Variants in INPP4B observed in about 807,000 individuals in gnomAD.
INPP4B encodes inositol polyphosphate 4-phosphatase type II.
INPP4B carries 55 observed loss-of-function variants against 122.5 expected under a neutral mutation model. The ratio of observed to expected loss-of-function variants is 0.45; its 90% confidence interval spans 0.36 to 0.56. The LOEUF (loss-of-function observed/expected upper bound fraction) is 0.56. Ranked by LOEUF, INPP4B falls within the 20% of genes least tolerant of loss-of-function variation. The pLI is 0.00. For synonymous variants in INPP4B, 403 were observed against 388.7 expected, an observed-to-expected ratio of 1.04 and a Z score of -0.43; for missense variants, 1,000 against 1,097.7, an observed-to-expected ratio of 0.91 and a Z score of 1.26.
rs554213505 is a variant in INPP4B at position 142,535,755 on chromosome 4, TTC to T, written c.-190-73031_-190-73030del. Among the ~76,000 whole-genome samples the T allele has an allele frequency of 7.2e-3, 905 of 126,122 alleles. 12 individuals are homozygous for T. The highest frequency in any genetic ancestry group is 0.022 in the African/African-American group (852 of 39,398). 82.7% of individuals were successfully genotyped at this position (126,122 alleles called of 152,430 possible). A position where few individuals can be genotyped will look rare whatever the true frequency, so the allele number is the denominator to read the frequency against. On this transcript the variant is annotated intron_variant, in intron 2 of 25. Coordinates refer to ENST00000262992, the MANE Select transcript of INPP4B (RefSeq NM_001101669.3). Reference sequence around the variant, plus strand: ...GCATATTTCCTAAATTCAATCATCATTCTCTTTTTTTTTCCACTCCATACTCT... The same window carrying T: ...GCATATTTCCTAAATTCAATCATCATTCTTTTTTTTTCCACTCCATACTCT...
intron 2 of INPP4B, among the ~76,000 whole-genome samples, chr4:142,635,233 A>G (rs1252546506): frequency 6.6e-6 from 1 of 152,188 alleles, no homozygotes; most frequent in Non-Finnish European, 1.5e-5. Context: ...GTTGCAGAGA[A>G]AAGGGAACAC....
chr4:142,520,210 T>G (rs2149913900), intron 2 of INPP4B, among the ~76,000 whole-genome samples: 1 of 152,108 alleles, frequency 6.6e-6, no homozygotes, highest in East Asian at 1.9e-4. Flanking sequence ...AAATGTTTTA[T>G]CCTTCAACAA....
chr4:142,124,381 T>C (rs951910167), intron 19 of INPP4B, among the ~76,000 whole-genome samples: 3 of 152,150 alleles, frequency 2.0e-5, no homozygotes, highest in Non-Finnish European at 2.9e-5. Flanking sequence ...TGGCCATCTC[T>C]TTTCAGAAAT....
chr4:142,210,228 T>C (rs1844329280), intron 12 of INPP4B, among the ~76,000 whole-genome samples: 1 of 152,218 alleles, frequency 6.6e-6, no homozygotes, highest in South Asian at 2.1e-4. Flanking sequence ...TTCTGTTAAA[T>C]GCAAGAATAA....
At chr4:142,067,625 G>T (rs774574642) in intron 25 of INPP4B, among the ~76,000 whole-genome samples, 11 of 152,126 alleles carry the variant, frequency 7.2e-5, no homozygotes, top group Non-Finnish European at 1.3e-4. Context: ...ACGGTGTAGA[G>T]AAGTCCTTAA....
chr4:142,592,528 C>A (rs1157168707), intron 2 of INPP4B, among the ~76,000 whole-genome samples: 6 of 151,986 alleles, frequency 3.9e-5, no homozygotes, highest in African/African-American at 1.5e-4. Flanking sequence ...CTTAAATAAC[C>A]ATCATTCAAT....
intron 1 of INPP4B, among the ~76,000 whole-genome samples, chr4:142,806,820 A>AAAG (rs1198773758): frequency 1.3e-5 from 2 of 150,072 alleles, no homozygotes; most frequent in African/African-American, 5.0e-5. Flanking sequence ...AGAAAGAAAG[A>AAAG]AAGAAAGAAA....
chr4:142,487,181 T>C (rs778308339), intron 2 of INPP4B, among the ~76,000 whole-genome samples: 14 of 152,170 alleles, frequency 9.2e-5, no homozygotes, highest in Non-Finnish European at 1.5e-4. Context: ...GCAGCAAGGA[T>C]GTGACTAGCT....
intron 2 of INPP4B, among the ~76,000 whole-genome samples, chr4:142,490,456 C>T (rs1580196542): frequency 6.6e-6 from 1 of 152,082 alleles, no homozygotes; most frequent in African/African-American, 2.4e-5. Flanking sequence ...AAATTATATA[C>T]ATTTATGGTG....
chr4:142,521,445 T>G (rs1826052719), intron 2 of INPP4B, among the ~76,000 whole-genome samples: 3 of 152,010 alleles, frequency 2.0e-5, no homozygotes, highest in Admixed American at 2.0e-4. Context: ...TTGTTAAATT[T>G]TCTATTTTTA....
chr4:142,597,953 T>A (rs998301935), intron 2 of INPP4B, among the ~76,000 whole-genome samples: 2 of 152,126 alleles, frequency 1.3e-5, no homozygotes, highest in East Asian at 1.9e-4. Flanking sequence ...ATGAAGACAG[T>A]CTTCCTGCAT....
chr4:142,193,781 TTC>T (rs1311147145), intron 14 of INPP4B, among the ~76,000 whole-genome samples: 1 of 152,194 alleles, frequency 6.6e-6, no homozygotes, highest in African/African-American at 2.4e-5. Flanking sequence ...ATGTTTCTTG[TTC>T]TGTTTTCTAG....
chr4:142,341,822 G>A (rs145915654), intron 7 of INPP4B, among the ~76,000 whole-genome samples: 56 of 152,200 alleles, frequency 3.7e-4, no homozygotes, highest in African/African-American at 1.3e-3. Flanking sequence ...GATCTGAGAC[G>A]AGTCAAAAGC....
intron 2 of INPP4B, among the ~76,000 whole-genome samples, chr4:142,690,709 C>T (rs938742677): frequency 2.0e-5 from 3 of 152,134 alleles, no homozygotes; most frequent in Admixed American, 1.3e-4. Context: ...CCTCCCCTGG[C>T]GCCTTCAACT....
chr4:142,125,018 C>T (rs1216006185), intron 18 of INPP4B, among the ~76,000 whole-genome samples: 1 of 152,136 alleles, frequency 6.6e-6, no homozygotes. Context: ...CTGCTCATCT[C>T]TAATCTGTGC....
At chr4:142,055,149 C>G (rs1756923029) in intron 25 of INPP4B, among the ~76,000 whole-genome samples, 1 of 151,994 alleles carries the variant, frequency 6.6e-6, no homozygotes, top group African/African-American at 2.4e-5. Flanking sequence ...CAAAGTAATA[C>G]TAACTATGGA....
intron 2 of INPP4B, among the ~76,000 whole-genome samples, chr4:142,607,208 T>C (rs1307596202): frequency 6.6e-6 from 1 of 152,084 alleles, no homozygotes; most frequent in African/African-American, 2.4e-5. Context: ...ATCATGTAGA[T>C]ATTCAATAAT....
chr4:142,109,484 C>G (rs1383792498), intron 22 of INPP4B, among the ~76,000 whole-genome samples: 7 of 152,154 alleles, frequency 4.6e-5, no homozygotes, highest in Admixed American at 1.3e-4. Flanking sequence ...AGTTTAGCAT[C>G]TAAGTTTCCA....
chr4:142,810,867 A>G (rs1779424911), intron 1 of INPP4B, among the ~76,000 whole-genome samples: 1 of 152,252 alleles, frequency 6.6e-6, no homozygotes, highest in East Asian at 1.9e-4. Flanking sequence ...CTTGTCTGAA[A>G]GAAAAGTGTC....
Sources: gnomAD v4.1 joint callset for allele counts (sites outside exome capture counted in the v4.1 genomes callset) on GRCh38, gnomAD v4.1.1 for gene constraint, MANE v1.5 for transcripts, NCBI Gene and HGNC (gene_info 2026-07-23, HGNC 2026-07-21) for gene names.